The following PCDH11X variants were observed in gnomAD, a reference collection of about 807,000 sequenced individuals.
The protein encoded by PCDH11X is protocadherin 11 X-linked, also known as protocadherin-11 X-linked.
Under a neutral mutation model 53.3 loss-of-function variants are expected in PCDH11X, and 18 were observed. That is an observed-to-expected ratio of 0.34 (90% CI 0.23 to 0.50). The LOEUF (loss-of-function observed/expected upper bound fraction) is 0.50, where lower values mean the gene tolerates loss of function less well. Among genes scored for constraint, PCDH11X ranks in the 20% least tolerant of loss-of-function variants. The pLI, the probability that PCDH11X is intolerant of heterozygous loss-of-function variation, is 0.98. For synonymous variants in PCDH11X, 279 were observed against 393.3 expected, an observed-to-expected ratio of 0.71 and a Z score of 3.44; for missense variants, 570 against 1,032.4, an observed-to-expected ratio of 0.55 and a Z score of 6.14.
intron 6 of PCDH11X, among the ~76,000 whole-genome samples, chrX:92,042,392 C>T (rs1443557149): frequency 2.0e-5 from 2 of 100,138 alleles, no homozygotes; most frequent in African/African-American, 7.7e-5. Flanking sequence ...CTGAAGATTT[C>T]TGTACATCAT....
At chrX:92,237,098 T>C (rs1603222708) in intron 7 of PCDH11X, among the ~76,000 whole-genome samples, 1 of 111,539 alleles carries the variant, frequency 9.0e-6, no homozygotes, top group Non-Finnish European at 1.9e-5. Context: ...GAATTCTTCA[T>C]TTTTGTCATT....
chrX:91,945,379 G>T (rs1158719156), intron 6 of PCDH11X, among the ~76,000 whole-genome samples: 5 of 106,278 alleles, frequency 4.7e-5, no homozygotes, highest in Non-Finnish European at 9.7e-5. Flanking sequence ...ATGAAAGCAA[G>T]AATAAATTGC....
At position 92,392,914 on chromosome X, in the gene PCDH11X, G is replaced by T. The variant is rs1260849510; in HGVS notation, c.3343+4981G>T. 3.7e-5 allele frequency among the ~76,000 whole-genome samples: 4 copies of T among 108,604 alleles called. No homozygotes were observed. In the Admixed American group the frequency reaches 4.0e-4, roughly 11 times the overall value. 94.3% of individuals were successfully genotyped at this position (108,604 alleles called of 115,157 possible). ...AATTATAGAAAAAAGGAGTAGTATT[G>T]GTTAGTATATTTAAGAGAAGAGTAA... On this transcript the variant is annotated intron_variant, in intron 9 of 10. Coordinates refer to ENST00000682573, the MANE Select transcript of PCDH11X (RefSeq NM_032968.5).
At chrX:91,791,594 G>C (rs1027339193) in intron 1 of PCDH11X, among the ~76,000 whole-genome samples, 2 of 109,005 alleles carry the variant, frequency 1.8e-5, no homozygotes, top group African/African-American at 6.8e-5. Context: ...GTAGGGACCC[G>C]AATCCAAACC....
At chrX:92,002,580 G>A (rs1297747655) in intron 6 of PCDH11X, among the ~76,000 whole-genome samples, 5 of 109,562 alleles carry the variant, frequency 4.6e-5, no homozygotes, top group African/African-American at 1.7e-4. Context: ...TTATTTCATC[G>A]ATGTTTCATA....
chrX:91,898,071 A>T (rs776447028), intron 6 of PCDH11X, among the ~76,000 whole-genome samples: 1 of 111,444 alleles, frequency 9.0e-6, no homozygotes, highest in South Asian at 3.7e-4. Flanking sequence ...TGATATCAAG[A>T]TGTCTAATCA....
intron 10 of PCDH11X, among the ~76,000 whole-genome samples, chrX:92,540,090 G>A (rs2074731172): frequency 9.0e-6 from 1 of 110,983 alleles, no homozygotes. Flanking sequence ...AGGTTCTAGG[G>A]CTCTATAATC....
chrX:92,257,337 G>T (rs138333597), intron 7 of PCDH11X, among the ~76,000 whole-genome samples: 1 of 110,857 alleles, frequency 9.0e-6, no homozygotes, highest in African/African-American at 3.3e-5. Flanking sequence ...TTGAGTGGGG[G>T]CACTGATCGA....
At chrX:92,234,957 T>G (rs1734053639) in intron 7 of PCDH11X, among the ~76,000 whole-genome samples, 1 of 110,859 alleles carries the variant, frequency 9.0e-6, no homozygotes, top group Admixed American at 9.7e-5. Flanking sequence ...ATATGCTATT[T>G]CCAAAATGTG....
At chrX:91,823,502 C>G (rs1229312368) in intron 4 of PCDH11X, among the ~76,000 whole-genome samples, 1 of 111,058 alleles carries the variant, frequency 9.0e-6, no homozygotes, top group African/African-American at 3.3e-5. Flanking sequence ...GCAATCCCTG[C>G]CTTTTTTTGT....
chrX:92,510,146 T>C (rs2074137964), intron 10 of PCDH11X, among the ~76,000 whole-genome samples: 1 of 106,109 alleles, frequency 9.4e-6, no homozygotes, highest in Non-Finnish European at 2.0e-5. Flanking sequence ...AGAACAAACC[T>C]GTATCTTGTT....
chrX:92,486,596 G>A (rs776852566), intron 10 of PCDH11X, among the ~76,000 whole-genome samples: 1 of 111,421 alleles, frequency 9.0e-6, no homozygotes, highest in South Asian at 3.7e-4. Context: ...TTTCTTTCTA[G>A]AATAAAATGT....
At chrX:91,960,373 G>A (rs1224241731) in intron 6 of PCDH11X, among the ~76,000 whole-genome samples, 2 of 110,936 alleles carry the variant, frequency 1.8e-5, no homozygotes, top group East Asian at 2.8e-4. Context: ...TTTCCCTGAT[G>A]TTTTCTTCTA....
intron 10 of PCDH11X, among the ~76,000 whole-genome samples, chrX:92,470,625 C>A (rs2073242729): frequency 9.0e-6 from 1 of 111,366 alleles, no homozygotes. Flanking sequence ...TATGTTCATC[C>A]TATAACCAAT....
At chrX:92,429,508 C>A (rs955641629) in intron 9 of PCDH11X, among the ~76,000 whole-genome samples, 4 of 107,027 alleles carry the variant, frequency 3.7e-5, no homozygotes, top group Non-Finnish European at 7.7e-5. Flanking sequence ...TAATAATCCA[C>A]CCCCAGCTAA....
At chrX:91,973,294 G>C (rs1485840790) in intron 6 of PCDH11X, among the ~76,000 whole-genome samples, 4 of 69,671 alleles carry the variant, frequency 5.7e-5, no homozygotes, top group African/African-American at 1.6e-4. Context: ...GTGGTGGGGT[G>C]GGGGGAGGGG....
rs1938271327 is a variant in PCDH11X at position 91,855,402 on chromosome X, CTG to C, written c.540+19360_540+19361del. Among the ~76,000 whole-genome samples, 3 of 110,334 alleles carry C rather than the reference CTG, an allele frequency of 2.7e-5. No individual in the cohort carries two copies. The Admixed American group carries it at 2.9e-4, about 11-fold the overall frequency. On this transcript the variant is annotated intron_variant, in intron 5 of 10. Coordinates refer to ENST00000682573, the MANE Select transcript of PCDH11X (RefSeq NM_032968.5). ...ACCATGCTATTTGGTTACTATAGCT[CTG>C]TAGTATAATTTGAAGTCAGGTAATG...
intron 7 of PCDH11X, among the ~76,000 whole-genome samples, chrX:92,261,921 A>G (rs2067724152): frequency 9.0e-6 from 1 of 111,511 alleles, no homozygotes; most frequent in South Asian, 3.7e-4. Context: ...TCATTGAGCC[A>G]TTGATGGTTG....
At chrX:92,602,451 AT>A (rs1366246812) in intron 10 of PCDH11X, among the ~76,000 whole-genome samples, 1 of 112,436 alleles carries the variant, frequency 8.9e-6, no homozygotes, top group Non-Finnish European at 1.9e-5. Flanking sequence ...AGGGGCTCAA[AT>A]TTGATTGTAT....
Sources: allele counts gnomAD v4.1 joint callset (sites outside exome capture counted in the v4.1 genomes callset), GRCh38; gene constraint gnomAD v4.1.1; transcripts MANE v1.5; gene names NCBI Gene and HGNC (gene_info 2026-07-23, HGNC 2026-07-21).